Variants in PALM2AKAP2 observed in about 807,000 individuals in gnomAD.
The protein encoded by PALM2AKAP2 is PALM2-AKAP2 fusion protein.
Under a neutral mutation model 71.5 loss-of-function variants are expected in PALM2AKAP2, and 37 were observed. The ratio of observed to expected loss-of-function variants is 0.52; its 90% confidence interval spans 0.40 to 0.68. The LOEUF (loss-of-function observed/expected upper bound fraction) is 0.68. PALM2AKAP2 is among the 30% of genes least tolerant of loss of function. PALM2AKAP2 has a pLI of 0.00. For synonymous variants in PALM2AKAP2, 468 were observed against 478.8 expected (o/e 0.98, Z 0.29); for missense variants, 1,224 against 1,191.8 (o/e 1.03, Z -0.40).
rs373945423 is a variant in PALM2AKAP2 at position 109,926,243 on chromosome 9, A to AAAAC, written c.394+1182_394+1185dup. Among the ~76,000 whole-genome samples, 334 of 152,282 alleles carry AAAAC rather than the reference A, an allele frequency of 2.2e-3. 3 individuals are homozygous for AAAAC. Among genetic ancestry groups the AAAAC allele is most frequent in the African/African-American group, 7.0e-3 (291 of 41,548 alleles). The stretch of plus-strand genomic sequence containing the variant: ...CATGAAGGATAGTTCTGACTTTGGC[A>AAAAC]AAACAAACAAACAAACAAACAAACC... On this transcript the variant is annotated intron_variant, in intron 5 of 9. Transcript: ENST00000302798.
Position 109,699,814 on chromosome 9 carries a change from G to A in PALM2AKAP2, c.5+58948G>A, listed in dbSNP as rs984148944. Among the ~76,000 whole-genome samples the A allele has an allele frequency of 4.9e-4, 72 of 147,120 alleles. 1 individual carries two copies. Among genetic ancestry groups the A allele is most frequent in the Admixed American group, 3.2e-3 (47 of 14,596 alleles). ...TTTTGAGATGGAGTCTCACTCTGTCGCCCAGGCTGGAGTGCAGTGGGCATG... is the reference window on the plus strand; with the variant it reads ...TTTTGAGATGGAGTCTCACTCTGTCACCCAGGCTGGAGTGCAGTGGGCATG... On this transcript the variant is annotated intron_variant, in intron 1 of 6. Coordinates refer to the PALM2AKAP2 transcript ENST00000374531.
intron 1 of PALM2AKAP2, among the ~76,000 whole-genome samples, chr9:109,720,619 G>C (rs961425949): frequency 3.3e-5 from 5 of 152,178 alleles, no homozygotes; most frequent in African/African-American, 1.2e-4. Context: ...CTGGCAAAGA[G>C]AAGGAGCTAG....
intron 1 of PALM2AKAP2, among the ~76,000 whole-genome samples, chr9:109,838,935 C>T (rs1349590667): frequency 2.0e-5 from 3 of 152,176 alleles, no homozygotes; most frequent in African/African-American, 7.2e-5. Context: ...GACGGATTCA[C>T]AGCCAAATTC....
At chr9:110,168,152 T>C (rs1836780364) in intron 3 of PALM2AKAP2, among the ~76,000 whole-genome samples, 1 of 152,208 alleles carries the variant, frequency 6.6e-6, no homozygotes, top group Non-Finnish European at 1.5e-5. Flanking sequence ...GAACATTTCA[T>C]GAAAATTAAA....
chr9:109,796,847 A>G (rs10980047), intron 1 of PALM2AKAP2, among the ~76,000 whole-genome samples: 27,223 of 152,166 alleles, frequency 0.18, 2,843 homozygotes, highest in East Asian at 0.34. Context: ...GGGGATTATG[A>G]GGATTACAAT....
At chr9:109,809,658 G>A (rs1366955999) in intron 1 of PALM2AKAP2, among the ~76,000 whole-genome samples, 1 of 152,206 alleles carries the variant, frequency 6.6e-6, no homozygotes, top group Non-Finnish European at 1.5e-5. Context: ...AGGCATGTTT[G>A]TGCTTTGACA....
intron 1 of PALM2AKAP2, among the ~76,000 whole-genome samples, chr9:109,672,152 G>A (rs187825093): frequency 6.6e-6 from 1 of 152,248 alleles, no homozygotes; most frequent in East Asian, 1.9e-4. Flanking sequence ...AAACAGGAAC[G>A]GTGAAAGAGG....
At chr9:109,973,986 C>T (rs550532936) in intron 6 of PALM2AKAP2, among the ~76,000 whole-genome samples, 16 of 152,342 alleles carry the variant, frequency 1.1e-4, no homozygotes, top group Admixed American at 1.0e-3. Flanking sequence ...GCAAGACAGA[C>T]ACTCTTCCTA....
intron 1 of PALM2AKAP2, among the ~76,000 whole-genome samples, chr9:109,830,445 C>A (rs1179702336): frequency 2.0e-5 from 3 of 152,128 alleles, no homozygotes; most frequent in Non-Finnish European, 2.9e-5. Flanking sequence ...ATCAACAAAA[C>A]ACATGTAGGC....
chr9:110,135,166 T>C (rs199592308), intron 1 of PALM2AKAP2, among the ~76,000 whole-genome samples: 1 of 44,214 alleles, frequency 2.3e-5, no homozygotes, highest in Non-Finnish European at 4.4e-5. Context: ...AAAAAAAAAA[T>C]ATATAAATAT....
intron 6 of PALM2AKAP2, among the ~76,000 whole-genome samples, chr9:110,014,808 ATATATATAT>A (rs1564260622): frequency 9.5e-4 from 4 of 4,194 alleles, no homozygotes; most frequent in East Asian, 6.4e-3. Context: ...AAAAAAATGT[ATATATATAT>A]ATATATATAT....
At chr9:109,827,026 A>G (rs1828168863) in intron 1 of PALM2AKAP2, among the ~76,000 whole-genome samples, 1 of 152,202 alleles carries the variant, frequency 6.6e-6, no homozygotes, top group Non-Finnish European at 1.5e-5. Context: ...TGCTAGAGTA[A>G]TCTACTAAGT....
chr9:110,080,235 G>A (rs995458050), intron 1 of PALM2AKAP2, among the ~76,000 whole-genome samples: 4 of 152,092 alleles, frequency 2.6e-5, no homozygotes, highest in South Asian at 2.1e-4. Flanking sequence ...ATCTATCACC[G>A]CTGTTAACCT....
upstream of PALM2AKAP2, among the ~76,000 whole-genome samples, chr9:110,047,595 T>C (rs757983674): frequency 1.3e-5 from 2 of 152,116 alleles, no homozygotes; most frequent in Non-Finnish European, 2.9e-5. Context: ...GAAACCTAAC[T>C]GAGAGTGCAA....
chr9:109,666,538 A>C (rs1827488686), intron 1 of PALM2AKAP2, among the ~76,000 whole-genome samples: 1 of 152,168 alleles, frequency 6.6e-6, no homozygotes, highest in East Asian at 1.9e-4. Context: ...AGTTAAGCTT[A>C]TTTCACATTT....
At chr9:110,050,357 T>C (rs1193352049) in intron 1 of PALM2AKAP2, among the ~76,000 whole-genome samples, 1 of 152,232 alleles carries the variant, frequency 6.6e-6, no homozygotes, top group Non-Finnish European at 1.5e-5. Context: ...TTAGAGTTCA[T>C]TTAAGCATCA....
chr9:109,908,806 GTGCACA>G (rs992122375), intron 3 of PALM2AKAP2, among the ~76,000 whole-genome samples: 3 of 91,410 alleles, frequency 3.3e-5, no homozygotes, highest in African/African-American at 1.3e-4. Context: ...ATGGATGCGT[GTGCACA>G]CACACACACA....
intron 6 of PALM2AKAP2, among the ~76,000 whole-genome samples, chr9:109,987,038 A>G (rs139018205): frequency 6.6e-6 from 1 of 152,318 alleles, no homozygotes; most frequent in Admixed American, 6.5e-5. Context: ...ATGACATTGA[A>G]TTGTCTTATG....
intron 1 of PALM2AKAP2, among the ~76,000 whole-genome samples, chr9:110,085,830 T>G (rs752337228): frequency 1.4e-4 from 22 of 152,016 alleles, no homozygotes; most frequent in Non-Finnish European, 2.8e-4. Context: ...CTACAGCCCA[T>G]GCGAAGTGGC....
Sources: allele counts gnomAD v4.1 joint callset (sites outside exome capture counted in the v4.1 genomes callset), GRCh38; gene constraint gnomAD v4.1.1; transcripts MANE v1.5; gene names NCBI Gene and HGNC (gene_info 2026-07-23, HGNC 2026-07-21).